PLXNC1: variants seen among roughly 807,000 people sequenced by gnomAD.
The protein encoded by PLXNC1 is plexin-C1.
Under a neutral mutation model 178.2 loss-of-function variants are expected in PLXNC1, and 75 were observed. That is an observed-to-expected ratio of 0.42 (90% CI 0.35 to 0.51). PLXNC1 has a LOEUF of 0.51. Ranked by LOEUF, PLXNC1 falls within the 20% of genes least tolerant of loss-of-function variation. The pLI is 0.02. For missense variants in PLXNC1, 1,503 were observed against 1,984.4 expected (o/e 0.76, Z 4.61); for synonymous variants, 790 against 779.9 (o/e 1.01, Z -0.22).
chr12:94,303,712 TACTCTTTTGGTGATGGTTG>T, intron 28 of PLXNC1, 25 bp from the exon 29 acceptor site: 1 of 1,102,548 alleles, frequency 9.1e-7, no homozygotes, highest in Non-Finnish European at 1.2e-6. Context: ...TTTTTTTTTT[TACTCTTTTGGTGATGGTTG>T]CTTTTTTTTT....
chr12:94,298,696 C>T lies in PLXNC1; in HGVS notation c.4139C>T (p.Ala1380Val), dbSNP rs531024061. The change falls in exon 27 of 31, where the codon GCT becomes GTT. Residue 1380 changes from alanine (A) to valine (V), a missense_variant. Physicochemically the swap from Ala to Val is moderately conservative, Grantham distance 64. Around this residue, in one of 4 missense-constraint regions of PLXNC1, gnomAD observed 639 missense variants for 979.7 expected, o/e 0.65. Coordinates refer to ENST00000258526, the MANE Select transcript of PLXNC1 (RefSeq NM_005761.3). ...ATTTGGAGTTTACCCAACAGCAGAG[C>T]TCCATTTGCTATAAAATACTTTTTT... ...RSIWSLPNSR[A>V]PFAIKYFFDF... 3.1e-6 allele frequency: 5 copies of T among 1,612,858 alleles called. No homozygotes were observed. Among genetic ancestry groups the T allele is most frequent in the Admixed American group, 1.7e-5 (1 of 59,718 alleles).
At chr12:94,162,685 G>A (rs753515012) in intron 1 of PLXNC1, among the ~76,000 whole-genome samples, 1 of 152,090 alleles carries the variant, frequency 6.6e-6, no homozygotes, top group Non-Finnish European at 1.5e-5. Context: ...TGGGAAATTC[G>A]ACTGAGATTT....
At chr12:94,263,157 G>A (rs1965047938) in intron 20 of PLXNC1, among the ~76,000 whole-genome samples, 1 of 152,168 alleles carries the variant, frequency 6.6e-6, no homozygotes. Context: ...ATGGCCCTGT[G>A]ATTCCCCAAA....
In PLXNC1 at chr12:94,260,527, A is replaced by T; in HGVS notation, c.3252-115A>T. On this transcript the variant is annotated intron_variant, in intron 19 of 30. Coordinates refer to ENST00000258526, the MANE Select transcript of PLXNC1 (RefSeq NM_005761.3). This position sits in a 1 kb window ranked among gnomAD's most constrained non-coding sequence, Gnocchi z 4.4. ...TAAACATTAAAAAAAAAAAAAAAAA[A>T]GCTCCCAACCCAACAGGCCAGCTCC... is the stretch of plus-strand genomic sequence containing the variant. 1.7e-6 allele frequency: 1 copy of T among 579,090 alleles called. No individual in the cohort carries two copies. The highest frequency in any genetic ancestry group is 2.9e-6 in the Non-Finnish European group (1 of 341,498). The allele number at this position is 579,090 out of a possible 1,614,324, so 35.9% of individuals were successfully genotyped here.
At chr12:94,241,101 C>G (rs940027446) in intron 11 of PLXNC1, among the ~76,000 whole-genome samples, 3 of 152,166 alleles carry the variant, frequency 2.0e-5, no homozygotes, top group Non-Finnish European at 4.4e-5. Context: ...AAGATGTTCC[C>G]TAAGGGGGAG....
intron 23 of PLXNC1, among the ~76,000 whole-genome samples, chr12:94,286,365 G>A (rs774521181): frequency 1.3e-5 from 2 of 152,056 alleles, no homozygotes; most frequent in Non-Finnish European, 2.9e-5. Flanking sequence ...TTTTTTAAAG[G>A]CTGCTTGGAG....
chr12:94,304,693 G>A (rs898220411), intron 30 of PLXNC1, among the ~76,000 whole-genome samples: 1 of 152,136 alleles, frequency 6.6e-6, no homozygotes, highest in Non-Finnish European at 1.5e-5. Flanking sequence ...TCTAAGGTAG[G>A]GTAGAGGCAA....
At chr12:94,183,665 ACTTC>A (rs1301863730) in intron 3 of PLXNC1, among the ~76,000 whole-genome samples, 1 of 152,156 alleles carries the variant, frequency 6.6e-6, no homozygotes, top group Non-Finnish European at 1.5e-5. Context: ...AGCCCCCATT[ACTTC>A]CTTCATGGAT....
At chr12:94,277,884 T>G (rs1269192716) in intron 21 of PLXNC1, 1 of 454,946 alleles carries the variant, frequency 2.2e-6, no homozygotes, top group Non-Finnish European at 4.4e-6. Flanking sequence ...GGTACTGTTA[T>G]TACACCCATT....
chr12:94,306,884 T>TCAAA lies in PLXNC1; in HGVS notation c.*1608_*1611dup, dbSNP rs369746258. The TCAAA allele has an allele frequency of 3.7e-4, 57 of 152,130 alleles. No homozygotes were observed. Among genetic ancestry groups the TCAAA allele is most frequent in the Admixed American group, 3.5e-3 (53 of 15,260 alleles). 9.4% of individuals were successfully genotyped at this position (152,130 alleles called of 1,614,324 possible). A position where few individuals can be genotyped will look rare whatever the true frequency, so the allele number is the denominator to read the frequency against. ...CCATTGTCTGTCCAACGGACACACC[T>TCAAA]CAAACAAACAAAACTACCAAATAGA... On this transcript the variant is annotated 3_prime_UTR_variant, in exon 31 of 31. Transcript: ENST00000258526.
At chr12:94,191,145 A>T (rs1043412043) in intron 4 of PLXNC1, among the ~76,000 whole-genome samples, 3 of 152,230 alleles carry the variant, frequency 2.0e-5, no homozygotes, top group African/African-American at 7.2e-5. Flanking sequence ...AAATCTTATA[A>T]GACATTCTGA....
intron 1 of PLXNC1, among the ~76,000 whole-genome samples, chr12:94,154,044 A>C (rs867961323): frequency 6.6e-6 from 1 of 152,358 alleles, no homozygotes; most frequent in African/African-American, 2.4e-5. Flanking sequence ...ATATGCAAAA[A>C]TGGATTCAAA....
At chr12:94,191,151 T>C (rs539783685) in intron 4 of PLXNC1, among the ~76,000 whole-genome samples, 2 of 152,318 alleles carry the variant, frequency 1.3e-5, no homozygotes, top group East Asian at 3.9e-4. Flanking sequence ...TATAAGACAT[T>C]CTGAAGTCAT....
At chr12:94,294,353 A>T (rs1418188877) in intron 23 of PLXNC1, 133 bp from the exon 24 acceptor site, 1 of 565,100 alleles carries the variant, frequency 1.8e-6, no homozygotes, top group African/African-American at 1.9e-5. Flanking sequence ...TGCCCAGAAC[A>T]TAGTAATTCT....
At position 94,259,565 on chromosome 12, in the gene PLXNC1, A is replaced by G. The variant is rs563281566; in HGVS notation, c.3127-45A>G. 7.3e-5 allele frequency: 102 copies of G among 1,390,830 alleles called. 1 individual carries two copies. The South Asian group carries it at 1.4e-3, about 19-fold the overall frequency. The allele number at this position is 1,390,830 out of a possible 1,614,324, so 86.2% of individuals were successfully genotyped here. ...GGGTCTACTTTCTAACTTTAAACTT[A>G]TATATGATTTTGTATTATACTATAT... On this transcript the variant is annotated intron_variant, in intron 18 of 30. Transcript: ENST00000258526.
intron 30 of PLXNC1, among the ~76,000 whole-genome samples, chr12:94,304,791 G>GAGGGA (rs1406251136): frequency 2.6e-5 from 4 of 152,204 alleles, no homozygotes; most frequent in Non-Finnish European, 5.9e-5. Flanking sequence ...GCCCAGATGG[G>GAGGGA]AGGGAAGGGA....
intron 2 of PLXNC1, among the ~76,000 whole-genome samples, chr12:94,171,966 G>A (rs1961862241): frequency 6.6e-6 from 1 of 152,208 alleles, no homozygotes; most frequent in Admixed American, 6.5e-5. Flanking sequence ...CCTGTGTACA[G>A]ATTCTTGGAT....
rs190711601 is a variant in PLXNC1 at position 94,304,218 on chromosome 12, T to A, written c.4602+167T>A. 6 of 544,294 alleles carry A rather than the reference T, an allele frequency of 1.1e-5. No individual in the cohort carries two copies. In the African/African-American group the frequency reaches 1.1e-4, roughly 10 times the overall value. The allele number at this position is 544,294 out of a possible 1,614,324, so 33.7% of individuals were successfully genotyped here. The stretch of plus-strand genomic sequence containing the variant: ...CTGGCACTGAGCCAGACCCTGTACA[T>A]GGCTGCCCCCCTTACAGTTTTATCA... On this transcript the variant is annotated intron_variant, in intron 30 of 30. Transcript: ENST00000258526.
chr12:94,251,609 G>GCT, intron 15 of PLXNC1, 81 bp downstream of exon 15: 1 of 874,504 alleles, frequency 1.1e-6, no homozygotes, highest in Non-Finnish European at 2.0e-6. Flanking sequence ...GCTTTCAGGG[G>GCT]CTGTTTGCTT....
Sources: allele counts gnomAD v4.1 joint callset (sites outside exome capture counted in the v4.1 genomes callset), GRCh38; gene constraint gnomAD v4.1.1; regional missense constraint gnomAD v4.1.1; non-coding constraint Gnocchi (gnomAD v3.1); transcripts MANE v1.5; gene names NCBI Gene and HGNC (gene_info 2026-07-23, HGNC 2026-07-21).